MAPK8: variants seen among roughly 807,000 people sequenced by gnomAD.
MAPK8 encodes JUN N-terminal kinase.
A neutral mutation model predicts 52.9 loss-of-function variants in MAPK8; 13 were observed. The ratio of observed to expected loss-of-function variants is 0.25; its 90% confidence interval spans 0.16 to 0.39. The LOEUF is 0.39. MAPK8 is among the 10% of genes least tolerant of loss of function. The pLI is 1.00. For missense variants in MAPK8, 300 were observed against 519.2 expected (o/e 0.58, Z 4.10); for synonymous variants, 191 against 169.8 (o/e 1.12, Z -0.97).
At position 48,401,791 on chromosome 10, in the gene MAPK8, T is replaced by G. The variant is rs778445166; in HGVS notation, c.122+9T>G. The G allele has an allele frequency of 2.1e-6, 3 of 1,411,222 alleles. No homozygotes were observed. The highest frequency in any genetic ancestry group is 2.8e-6 in the Non-Finnish European group (3 of 1,077,692). 87.4% of individuals were successfully genotyped at this position (1,411,222 alleles called of 1,614,324 possible). ...GCTCAAGGAATAGTATGGTAAGTGTTTACTTCCAAAAATTAGGCAAAGAAT... is the reference window on the plus strand; with the variant it reads ...GCTCAAGGAATAGTATGGTAAGTGTGTACTTCCAAAAATTAGGCAAAGAAT... On this transcript the variant is annotated intron_variant, in intron 2 of 11. Coordinates refer to ENST00000374189, the MANE Select transcript of MAPK8 (RefSeq NM_001323329.2).
intron 1 of MAPK8, among the ~76,000 whole-genome samples, chr10:48,375,062 T>C (rs2040568251): frequency 6.6e-6 from 1 of 152,168 alleles, no homozygotes; most frequent in Non-Finnish European, 1.5e-5. Flanking sequence ...GCTTCATCCC[T>C]GGGATGCGAG....
chr10:48,395,216 AAG>A (rs1281028837), intron 1 of MAPK8, among the ~76,000 whole-genome samples: 1 of 152,044 alleles, frequency 6.6e-6, no homozygotes, highest in Non-Finnish European at 1.5e-5. Context: ...AATTTTAAAA[AAG>A]AACAAAGTTT....
chr10:48,374,733 G>C (rs991681945), intron 1 of MAPK8, among the ~76,000 whole-genome samples: 1 of 152,146 alleles, frequency 6.6e-6, no homozygotes, highest in African/African-American at 2.4e-5. Context: ...TTCTGAAATT[G>C]AGGCAGTACT....
At position 48,424,102 on chromosome 10, in the gene MAPK8, G is replaced by C; in HGVS notation, c.631G>C (p.Val211Leu). 1.9e-6 allele frequency: 3 copies of C among 1,613,232 alleles called. No individual in the cohort carries two copies. The Middle Eastern group carries it at 5.0e-4, about 266-fold the overall frequency. The change falls in exon 7 of 12, where the codon GTG (valine) becomes CTG (leucine). Residue 211 changes from valine (V) to leucine (L), a missense_variant. This residue lies in a region of MAPK8 where 147 missense variants were observed against 328.1 expected (regional missense o/e 0.45). Transcript: ENST00000374189. ...CAAACATATAGTGGATTTATGGTCT[G>C]TGGGGTGCATTATGGGAGAAATGGT... is the stretch of plus-strand genomic sequence containing the variant. ...GYKENVDLWS[V>L]GCIMGEMVCH...
At chr10:48,382,443 A>C (rs1359504775) in intron 1 of MAPK8, among the ~76,000 whole-genome samples, 2 of 152,214 alleles carry the variant, frequency 1.3e-5, no homozygotes. Context: ...ACATATATAC[A>C]TAAAAATACA....
intron 1 of MAPK8, among the ~76,000 whole-genome samples, chr10:48,327,149 G>T (rs898016557): frequency 6.6e-6 from 1 of 152,010 alleles, no homozygotes; most frequent in Non-Finnish European, 1.5e-5. Context: ...CCTTATTCTT[G>T]TTCTTGGGGG....
At chr10:48,353,159 G>A (rs923003999) in intron 1 of MAPK8, among the ~76,000 whole-genome samples, 5 of 152,158 alleles carry the variant, frequency 3.3e-5, no homozygotes, top group African/African-American at 1.2e-4. Flanking sequence ...TGTTATAAAT[G>A]ACTATTTTCC....
chr10:48,323,894 G>T (rs1843223264), intron 1 of MAPK8, among the ~76,000 whole-genome samples: 1 of 152,110 alleles, frequency 6.6e-6, no homozygotes, highest in Non-Finnish European at 1.5e-5. Context: ...TAGGAACCTG[G>T]TTTAAGTTCA....
At chr10:48,419,581 T>C (rs1272827792) in intron 5 of MAPK8, among the ~76,000 whole-genome samples, 3 of 152,156 alleles carry the variant, frequency 2.0e-5, no homozygotes. Context: ...CAGACAGAAA[T>C]TTTATAGCAA....
chr10:48,358,747 T>C (rs774440447), intron 1 of MAPK8, among the ~76,000 whole-genome samples: 1 of 152,214 alleles, frequency 6.6e-6, no homozygotes, highest in Non-Finnish European at 1.5e-5. Flanking sequence ...TAGTTTTAGT[T>C]TTATATTAGG....
intron 3 of MAPK8, among the ~76,000 whole-genome samples, chr10:48,407,358 G>A (rs1306310053): frequency 2.0e-5 from 3 of 152,100 alleles, no homozygotes; most frequent in Admixed American, 6.5e-5. Flanking sequence ...TTCATATACT[G>A]TGTCTGGTTG....
At chr10:48,342,007 A>G (rs1845326118) in intron 1 of MAPK8, among the ~76,000 whole-genome samples, 1 of 152,272 alleles carries the variant, frequency 6.6e-6, no homozygotes, top group Non-Finnish European at 1.5e-5. Flanking sequence ...GTTGGACTGC[A>G]GAGAGCAATG....
intron 1 of MAPK8, among the ~76,000 whole-genome samples, chr10:48,395,565 T>C (rs1211590466): frequency 6.6e-6 from 1 of 152,066 alleles, no homozygotes. Context: ...TTAAAAACTT[T>C]TGATCTTCAA....
At chr10:48,369,070 C>T (rs997485745) in intron 1 of MAPK8, among the ~76,000 whole-genome samples, 1 of 152,132 alleles carries the variant, frequency 6.6e-6, no homozygotes, top group Non-Finnish European at 1.5e-5. Flanking sequence ...TCAAAGCCAA[C>T]CCCTCTCACA....
intron 6 of MAPK8, 146 bp downstream of exon 6, chr10:48,420,466 CTA>C (rs1408554060): frequency 2.5e-6 from 2 of 797,526 alleles, no homozygotes; most frequent in African/African-American, 3.5e-5. Flanking sequence ...TTGCAGGTAA[CTA>C]TAAATTTTTT....
At chr10:48,351,500 G>A (rs946413058) in intron 1 of MAPK8, among the ~76,000 whole-genome samples, 3 of 151,782 alleles carry the variant, frequency 2.0e-5, no homozygotes, top group Admixed American at 6.6e-5. Flanking sequence ...ATGAGTCATG[G>A]CACCTCGCCC....
intron 5 of MAPK8, among the ~76,000 whole-genome samples, chr10:48,418,428 A>G (rs1364668204): frequency 6.8e-6 from 1 of 147,282 alleles, no homozygotes; most frequent in Non-Finnish European, 1.5e-5. Flanking sequence ...GGTGCAGATC[A>G]TGGTGGGTTT....
chr10:48,344,656 A>G (rs559304415), intron 1 of MAPK8, among the ~76,000 whole-genome samples: 1 of 152,236 alleles, frequency 6.6e-6, no homozygotes, highest in Non-Finnish European at 1.5e-5. Flanking sequence ...TATTTTTAAA[A>G]TATCTTCTAT....
At chr10:48,348,703 G>A (rs1187150133) in intron 1 of MAPK8, among the ~76,000 whole-genome samples, 1 of 152,144 alleles carries the variant, frequency 6.6e-6, no homozygotes, top group African/African-American at 2.4e-5. Flanking sequence ...TTGTAGATGT[G>A]TGGTGTTATT....
Sources: allele counts gnomAD v4.1 joint callset (sites outside exome capture counted in the v4.1 genomes callset), GRCh38; gene constraint gnomAD v4.1.1; regional missense constraint gnomAD v4.1.1; transcripts MANE v1.5; gene names NCBI Gene and HGNC (gene_info 2026-07-23, HGNC 2026-07-21).